Variants in AHI1 observed in about 807,000 individuals in gnomAD.
AHI1 encodes the protein Abelson helper integration site 1.
In AHI1, 123 loss-of-function variants were observed where a neutral mutation model predicts 149.3. That is an observed-to-expected ratio of 0.82 (90% CI 0.71 to 0.96). The LOEUF is 0.96. AHI1 is among the 40% of genes least tolerant of loss of function. The probability of loss-of-function intolerance (pLI) is 0.00; values close to 1 mark genes in which losing one functional copy is unlikely to be tolerated. For missense variants in AHI1, 1,439 were observed against 1,422.7 expected (o/e 1.01, Z -0.18); for synonymous variants, 475 against 459.8 (o/e 1.03, Z -0.42).
At chr6:135,300,083 G>C (rs895436595) in intron 27 of AHI1, among the ~76,000 whole-genome samples, 1 of 152,060 alleles carries the variant, frequency 6.6e-6, no homozygotes, top group African/African-American at 2.4e-5. Flanking sequence ...CCAGTACTTT[G>C]GGAGGCCGAG....
chr6:135,425,840 G>A lies in AHI1; in HGVS notation c.2764+1327C>T, dbSNP rs144717041. ...TGGGCTACTCTGATGATAAAATCCTGTCAGTGACAAAAAATAAATTGCTTT... is the reference window on the plus strand; with the variant it reads ...TGGGCTACTCTGATGATAAAATCCTATCAGTGACAAAAAATAAATTGCTTT... On this transcript the variant is annotated intron_variant, in intron 20 of 28. Transcript: ENST00000265602. Among the ~76,000 whole-genome samples the A allele has an allele frequency of 4.2e-4, 64 of 151,880 alleles. No homozygotes were observed. The East Asian group carries it at 0.012, about 28-fold the overall frequency.
chr6:135,398,415 T>C (rs921354844), intron 22 of AHI1, among the ~76,000 whole-genome samples: 22 of 151,962 alleles, frequency 1.4e-4, no homozygotes, highest in African/African-American at 5.1e-4. Context: ...ACCAGAAAAA[T>C]CTTACCCCCA....
intron 3 of AHI1, chr6:135,492,792 T>C (rs994892195): frequency 1.9e-5 from 19 of 985,262 alleles, no homozygotes; most frequent in African/African-American, 5.2e-5. Flanking sequence ...ATTTGCACCA[T>C]CTTTCTTTAA....
chr6:135,448,266 A>G, intron 12 of AHI1, 24 bp downstream of exon 12: 1 of 1,486,506 alleles, frequency 6.7e-7, no homozygotes, highest in Non-Finnish European at 9.1e-7. Flanking sequence ...GATGATATAC[A>G]CTTAATATGT....
Position 135,457,723 on chromosome 6 carries a change from T to TG in AHI1, c.932-11dup. The TG allele has an allele frequency of 6.2e-7, 1 of 1,607,452 alleles. No homozygotes were observed. The highest frequency in any genetic ancestry group is 8.5e-7 in the Non-Finnish European group (1 of 1,175,822). ...TCATTATTATCTGCAACTACACGCA[T>TG]GGAAAAAAAAATCAATGTTATAATT... On this transcript the variant is annotated splice_polypyrimidine_tract_variant and intron_variant, in intron 8 of 28. Coordinates refer to ENST00000265602, the MANE Select transcript of AHI1 (RefSeq NM_001134831.2).
chr6:135,304,041 T>C (rs1784238847), intron 26 of AHI1, among the ~76,000 whole-genome samples: 3 of 152,246 alleles, frequency 2.0e-5, no homozygotes, highest in African/African-American at 7.2e-5. Context: ...GTTTATTCAC[T>C]TACTTTCTAA....
At chr6:135,478,800 G>C (rs1248385209) in intron 5 of AHI1, among the ~76,000 whole-genome samples, 1 of 152,234 alleles carries the variant, frequency 6.6e-6, no homozygotes, top group Non-Finnish European at 1.5e-5. Context: ...CCTATCACAG[G>C]CCTGGAAGCC....
chr6:135,350,416 G>C (rs1791901861), intron 24 of AHI1, among the ~76,000 whole-genome samples: 1 of 152,076 alleles, frequency 6.6e-6, no homozygotes. Context: ...CATACATCTA[G>C]GCCGGCTCTC....
intron 26 of AHI1, among the ~76,000 whole-genome samples, chr6:135,308,280 G>C (rs9494219): frequency 0.11 from 17,399 of 152,122 alleles, 3,160 homozygotes; most frequent in African/African-American, 0.39. Flanking sequence ...CTGTTGCCCA[G>C]ACTTGAGTGC....
At chr6:135,373,302 T>A (rs927575164) in intron 23 of AHI1, among the ~76,000 whole-genome samples, 1 of 152,244 alleles carries the variant, frequency 6.6e-6, no homozygotes, top group Non-Finnish European at 1.5e-5. Context: ...GCATTAGGTA[T>A]GGTCACATGC....
At chr6:135,330,005 C>T (rs565314863) in intron 24 of AHI1, among the ~76,000 whole-genome samples, 4 of 152,296 alleles carry the variant, frequency 2.6e-5, no homozygotes, top group African/African-American at 7.2e-5. Flanking sequence ...CATGATAAAA[C>T]GAATGGATAA....
At position 135,392,008 on chromosome 6, in the gene AHI1, G is replaced by C. The variant is rs140825721; in HGVS notation, c.3109+2768C>G. Among the ~76,000 whole-genome samples, 267 of 152,086 alleles carry C rather than the reference G, an allele frequency of 1.8e-3. 1 individual carries two copies. Among genetic ancestry groups the C allele is most frequent in the African/African-American group, 6.2e-3 (259 of 41,522 alleles). On this transcript the variant is annotated intron_variant, in intron 23 of 28. Transcript: ENST00000265602. ...GTGGAGGTGGAGGGAAGGGTTTTTG[G>C]GGCAAAAAACCCAAGAGTTCCATTG...
intron 28 of AHI1, among the ~76,000 whole-genome samples, chr6:135,287,447 G>A (rs554141835): frequency 1.3e-5 from 2 of 152,106 alleles, no homozygotes; most frequent in African/African-American, 4.8e-5. Context: ...TGCACCCTTC[G>A]GACACTGGCG....
chr6:135,342,624 T>C (rs923904068), intron 24 of AHI1, among the ~76,000 whole-genome samples: 4 of 151,838 alleles, frequency 2.6e-5, no homozygotes, highest in Admixed American at 6.6e-5. Flanking sequence ...ACCATATTAA[T>C]AGTATTAAAG....
At chr6:135,308,054 A>C (rs371338663) in intron 26 of AHI1, among the ~76,000 whole-genome samples, 5 of 152,296 alleles carry the variant, frequency 3.3e-5, no homozygotes, top group African/African-American at 1.2e-4. Flanking sequence ...GAGAACTTCC[A>C]AAAAAAGGTC....
chr6:135,381,755 A>C (rs978928071), intron 23 of AHI1, among the ~76,000 whole-genome samples: 1 of 152,170 alleles, frequency 6.6e-6, no homozygotes. Flanking sequence ...TGCCCTGTTG[A>C]ATTTACCACC....
intron 5 of AHI1, among the ~76,000 whole-genome samples, chr6:135,488,732 T>C (rs1378920735): frequency 6.6e-6 from 1 of 152,066 alleles, no homozygotes; most frequent in Non-Finnish European, 1.5e-5. Flanking sequence ...TCGCTTAATT[T>C]TATTTCAGAC....
At chr6:135,449,233 T>C (rs1020872434) in intron 11 of AHI1, among the ~76,000 whole-genome samples, 10 of 152,028 alleles carry the variant, frequency 6.6e-5, no homozygotes, top group Admixed American at 5.2e-4. Flanking sequence ...GTTTTTAGTA[T>C]AGTCAGAGGT....
At chr6:135,453,222 T>C (rs1297250836) in intron 11 of AHI1, 119 bp downstream of exon 11, 1 of 779,536 alleles carries the variant, frequency 1.3e-6, no homozygotes, top group East Asian at 2.7e-5. Context: ...TAACTCTTCA[T>C]CCCTACAACA....
Sources: allele counts gnomAD v4.1 joint callset (sites outside exome capture counted in the v4.1 genomes callset), GRCh38; gene constraint gnomAD v4.1.1; transcripts MANE v1.5; gene names NCBI Gene and HGNC (gene_info 2026-07-23, HGNC 2026-07-21).